The following RBFOX1 variants were observed in gnomAD, a reference collection of about 807,000 sequenced individuals.
RBFOX1 encodes RNA binding fox-1 homolog 1.
In RBFOX1, 8 loss-of-function variants were observed where a neutral mutation model predicts 57.7. That is an observed-to-expected ratio of 0.14 (90% CI 0.08 to 0.25). The LOEUF (loss-of-function observed/expected upper bound fraction) is 0.25. Among genes scored for constraint, RBFOX1 ranks in the 10% least tolerant of loss-of-function variants. The pLI, the probability that RBFOX1 is intolerant of heterozygous loss-of-function variation, is 1.00. For missense variants in RBFOX1, 611 were observed against 548.5 expected (o/e 1.11, Z -1.14); for synonymous variants, 326 against 222.4 (o/e 1.47, Z -4.15).
At chr16:6,666,028 G>C (rs1219342428) in intron 3 of RBFOX1, among the ~76,000 whole-genome samples, 1 of 152,098 alleles carries the variant, frequency 6.6e-6, no homozygotes, top group Non-Finnish European at 1.5e-5. Context: ...CCCGAGATCT[G>C]ATGGTTTTAT....
intron 1 of RBFOX1, among the ~76,000 whole-genome samples, chr16:6,122,246 A>T (rs922603778): frequency 1.3e-5 from 2 of 151,866 alleles, no homozygotes; most frequent in Non-Finnish European, 2.9e-5. Flanking sequence ...CTTTTAATTA[A>T]CGTCCTGATT....
rs147143105 is a variant in RBFOX1, at chr16:6,647,304, C to T, written c.-63-7299C>T. Among the ~76,000 whole-genome samples the T allele has an allele frequency of 4.1e-3, 627 of 152,208 alleles. 6 individuals carry two copies. Among genetic ancestry groups the T allele is most frequent in the Middle Eastern group, 0.017 (5 of 292 alleles). On this transcript the variant is annotated intron_variant, in intron 2 of 15. Transcript: ENST00000550418. Reference sequence around the variant, plus strand: ...TGTTGCCCAGGCTCTAGTGCAGTGACGTGATCTCAGGGCTCGCTGCAACTT... The same window carrying T: ...TGTTGCCCAGGCTCTAGTGCAGTGATGTGATCTCAGGGCTCGCTGCAACTT...
At chr16:7,421,136 G>C (rs2098539127) in intron 4 of RBFOX1, among the ~76,000 whole-genome samples, 1 of 152,058 alleles carries the variant, frequency 6.6e-6, no homozygotes, top group Non-Finnish European at 1.5e-5. Flanking sequence ...AGGTGGAGAA[G>C]GCACTGGTAT....
rs1427959997 is a variant in RBFOX1 at position 7,333,019 on chromosome 16, A to T, written c.28-185128A>T. 5.0e-6 allele frequency: 8 copies of T among 1,613,744 alleles called. No homozygotes were observed. Among genetic ancestry groups the T allele is most frequent in the Non-Finnish European group, 6.8e-6 (8 of 1,179,856 alleles). Reference sequence around the variant, plus strand: ...CGTAAAGCATGCTGGCGTCTCAAGGAGTTCTCCTGCATCCTTATGGCGTGC... The same window carrying T: ...CGTAAAGCATGCTGGCGTCTCAAGGTGTTCTCCTGCATCCTTATGGCGTGC... On this transcript the variant is annotated intron_variant, in intron 4 of 15. Transcript: ENST00000550418.
At chr16:6,494,128 C>T (rs7200664) in intron 2 of RBFOX1, among the ~76,000 whole-genome samples, 34,712 of 152,144 alleles carry the variant, frequency 0.23, 4,578 homozygotes, top group Non-Finnish European at 0.3. Context: ...ATCTCTTGTA[C>T]ACTATTCTCT....
At chr16:5,362,878 G>A (rs561765167) in intron 1 of RBFOX1, among the ~76,000 whole-genome samples, 3 of 152,134 alleles carry the variant, frequency 2.0e-5, no homozygotes, top group African/African-American at 7.2e-5. Context: ...CTTTTTTCAA[G>A]CTAAATAATG....
At chr16:7,596,100 T>TG (rs1216459119) in intron 8 of RBFOX1, among the ~76,000 whole-genome samples, 5 of 131,282 alleles carry the variant, frequency 3.8e-5, no homozygotes, top group East Asian at 4.1e-4. Context: ...GTTTGTTTTT[T>TG]TTTGTTTGTT....
At chr16:6,391,232 A>G (rs2092585628) in intron 2 of RBFOX1, among the ~76,000 whole-genome samples, 1 of 152,174 alleles carries the variant, frequency 6.6e-6, no homozygotes, top group African/African-American at 2.4e-5. Flanking sequence ...GATTTGGGCC[A>G]GGCACGGTGG....
chr16:5,914,174 C>G lies in RBFOX1; in HGVS notation c.351+46839C>G, dbSNP rs141077536. Among the ~76,000 whole-genome samples the G allele has an allele frequency of 6.6e-5, 10 of 152,332 alleles. No individual in the cohort carries two copies. In the East Asian group the frequency reaches 1.7e-3, roughly 26 times the overall value. On this transcript the variant is annotated intron_variant, in intron 4 of 19. Transcript: ENST00000641259. ...GCCCCAAAATAATCCAGGAAAAAGA[C>G]GGAAAACTGTCTTCATTTTGAGTTA...
chr16:6,749,794 C>T (rs1159141039), intron 3 of RBFOX1, among the ~76,000 whole-genome samples: 1 of 152,196 alleles, frequency 6.6e-6, no homozygotes, highest in Admixed American at 6.5e-5. Context: ...ATTAAAATCA[C>T]TGAAGAATGC....
chr16:5,847,640 C>A (rs1048320417), intron 3 of RBFOX1, among the ~76,000 whole-genome samples: 7 of 152,078 alleles, frequency 4.6e-5, no homozygotes, highest in Admixed American at 1.3e-4. Context: ...TTTCTGGAGA[C>A]TTTTAGTGAA....
chr16:7,517,559 C>G (rs898243006), intron 4 of RBFOX1, among the ~76,000 whole-genome samples: 3 of 151,624 alleles, frequency 2.0e-5, no homozygotes, highest in African/African-American at 7.3e-5. Context: ...CAGACACACA[C>G]ACACACACAC....
At chr16:6,707,777 G>C (rs952921924) in intron 3 of RBFOX1, among the ~76,000 whole-genome samples, 1 of 152,132 alleles carries the variant, frequency 6.6e-6, no homozygotes, top group African/African-American at 2.4e-5. Flanking sequence ...GAGACCAAAA[G>C]AGAAAGTTTA....
chr16:6,800,560 C>T (rs537986436), intron 3 of RBFOX1, among the ~76,000 whole-genome samples: 1 of 152,204 alleles, frequency 6.6e-6, no homozygotes, highest in South Asian at 2.1e-4. Context: ...AAGTAACAAG[C>T]TTCTAGAGGG....
intron 1 of RBFOX1, among the ~76,000 whole-genome samples, chr16:6,234,326 T>G (rs933477): frequency 0.22 from 33,088 of 152,160 alleles, 4,033 homozygotes; most frequent in East Asian, 0.45. Context: ...TTTTTGGCAT[T>G]TAGTTCAGTT....
chr16:7,251,582 G>C (rs1159661178), intron 4 of RBFOX1, among the ~76,000 whole-genome samples: 1 of 151,866 alleles, frequency 6.6e-6, no homozygotes, highest in Non-Finnish European at 1.5e-5. Flanking sequence ...ATCAAGCCCA[G>C]CTAATTTTTG....
intron 1 of RBFOX1, among the ~76,000 whole-genome samples, chr16:5,431,380 T>C (rs571446281): frequency 2.0e-4 from 30 of 152,260 alleles, no homozygotes; most frequent in African/African-American, 6.7e-4. Context: ...ATTTTATTTA[T>C]TTATTTATTT....
chr16:6,446,188 G>C (rs951419999), intron 2 of RBFOX1, among the ~76,000 whole-genome samples: 2 of 152,090 alleles, frequency 1.3e-5, no homozygotes, highest in East Asian at 3.9e-4. Flanking sequence ...TTATTCATTA[G>C]AGCCAGGGTC....
At chr16:6,993,178 A>T (rs1187391844) in intron 3 of RBFOX1, among the ~76,000 whole-genome samples, 1 of 152,150 alleles carries the variant, frequency 6.6e-6, no homozygotes, top group Non-Finnish European at 1.5e-5. Context: ...CACTTGTCAA[A>T]TAAAATCATT....
Sources: gnomAD v4.1 joint callset for allele counts (sites outside exome capture counted in the v4.1 genomes callset) on GRCh38, gnomAD v4.1.1 for gene constraint, MANE v1.5 for transcripts, NCBI Gene and HGNC (gene_info 2026-07-23, HGNC 2026-07-21) for gene names.